NLRP14: variants seen among roughly 807,000 people sequenced by gnomAD.
NLRP14 encodes NLR family pyrin domain containing 14.
Under a neutral mutation model 94.7 loss-of-function variants are expected in NLRP14, and 105 were observed. The observed-to-expected ratio is 1.11, with a 90% CI of 0.95 to 1.30. The LOEUF is 1.30. Among genes scored for constraint, NLRP14 ranks in the 50% most tolerant of loss-of-function variants. The probability of loss-of-function intolerance (pLI) is 0.00; values close to 1 mark genes in which losing one functional copy is unlikely to be tolerated. For missense variants in NLRP14, 1,362 were observed against 1,254.1 expected (o/e 1.09, Z -1.30); for synonymous variants, 508 against 459.9 (o/e 1.10, Z -1.34).
intron 1 of NLRP14, among the ~76,000 whole-genome samples, chr11:7,027,787 C>G (rs1388219351): frequency 6.6e-6 from 1 of 152,092 alleles, no homozygotes; most frequent in Admixed American, 6.5e-5. Flanking sequence ...ATTCAATGGT[C>G]AGTTTTCAGT....
chr11:7,090,026 CGGA>C, the NLRP14 span: 7 of 1,612,968 alleles, frequency 4.3e-6, no homozygotes, highest in East Asian at 8.9e-5. Context: ...CGCCATCTTA[CGGA>C]GGAGGAGGCC....
the NLRP14 span, among the ~76,000 whole-genome samples, chr11:7,079,707 T>A: frequency 6.6e-6 from 1 of 152,130 alleles, no homozygotes; most frequent in Non-Finnish European, 1.5e-5. Context: ...GCAAGGCAAA[T>A]TTACTTCTGC....
chr11:7,088,136 A>G, the NLRP14 span, among the ~76,000 whole-genome samples: 432 of 152,346 alleles, frequency 2.8e-3, 2 homozygotes, highest in African/African-American at 0.01. Context: ...TTTGTCCAAC[A>G]TTTAGAGAAT....
intron 9 of NLRP14, among the ~76,000 whole-genome samples, 192 bp from the exon 10 acceptor site, chr11:7,062,141 C>T (rs1016874866): frequency 6.6e-6 from 1 of 151,918 alleles, no homozygotes; most frequent in African/African-American, 2.4e-5. Context: ...AACAGTTTTA[C>T]CTGCTGGTTT....
intron 10 of NLRP14, among the ~76,000 whole-genome samples, chr11:7,062,844 T>A (rs1382863096): frequency 6.6e-6 from 1 of 152,112 alleles, no homozygotes; most frequent in East Asian, 1.9e-4. Flanking sequence ...TTACTAATTA[T>A]CTTCTATCTG....
intron 10 of NLRP14, among the ~76,000 whole-genome samples, chr11:7,063,228 G>A (rs75652569): frequency 0.03 from 4,540 of 152,094 alleles, 249 homozygotes; most frequent in African/African-American, 0.1. Flanking sequence ...TAAATTCACC[G>A]GTTACTGTTT....
chr11:7,053,597 A>G (rs1175944311), intron 6 of NLRP14, among the ~76,000 whole-genome samples: 1 of 151,728 alleles, frequency 6.6e-6, no homozygotes, highest in Non-Finnish European at 1.5e-5. Flanking sequence ...TGGTCTAAAA[A>G]GCCATCATTT....
At chr11:7,065,105 T>C (rs1180640653) in intron 10 of NLRP14, among the ~76,000 whole-genome samples, 1 of 152,126 alleles carries the variant, frequency 6.6e-6, no homozygotes, top group African/African-American at 2.4e-5. Context: ...TATCAACTTA[T>C]CAAGTTACAT....
At chr11:7,038,531 C>T in intron 1 of NLRP14, 35 bp from the exon 2 acceptor site, 1 of 1,510,428 alleles carries the variant, frequency 6.6e-7, no homozygotes, top group African/African-American at 1.4e-5. Context: ...CCCATTTATT[C>T]CATGTGCTTT....
At chr11:7,044,130 T>A (rs561105822) in intron 4 of NLRP14, 146 bp downstream of exon 4, 3 of 813,462 alleles carry the variant, frequency 3.7e-6, no homozygotes, top group African/African-American at 3.4e-5. Context: ...GGCTAAGCAT[T>A]TAAACCCCTT....
At chr11:7,089,703 C>T in the NLRP14 span, 26 of 1,521,678 alleles carry the variant, frequency 1.7e-5, no homozygotes, top group African/African-American at 2.8e-5. Flanking sequence ...AGGCCCACCG[C>T]GCCGGGAGCC....
chr11:7,029,517 A>G (rs1479913359), intron 1 of NLRP14, among the ~76,000 whole-genome samples: 2 of 152,242 alleles, frequency 1.3e-5, no homozygotes, highest in Admixed American at 6.5e-5. Flanking sequence ...AGTGTTCAAT[A>G]TAGGATCTTT....
chr11:7,078,560 C>T, the NLRP14 span, among the ~76,000 whole-genome samples: 7 of 149,526 alleles, frequency 4.7e-5, no homozygotes, highest in South Asian at 6.4e-4. Context: ...GAGGCCGAGG[C>T]GAGTGGATCA....
At chr11:7,077,070 C>T in the NLRP14 span, among the ~76,000 whole-genome samples, 1 of 152,194 alleles carries the variant, frequency 6.6e-6, no homozygotes, top group African/African-American at 2.4e-5. Flanking sequence ...AGAATCGCAT[C>T]CGGTGGGAGT....
At chr11:7,072,340 G>A (rs969699140), downstream of NLRP14, among the ~76,000 whole-genome samples, 11 of 152,198 alleles carry the variant, frequency 7.2e-5, no homozygotes, top group East Asian at 1.9e-4. Context: ...GTTATCAGCC[G>A]GAAGTCTAGT....
At chr11:7,036,310 C>T (rs370054620) in intron 1 of NLRP14, among the ~76,000 whole-genome samples, 54 of 152,228 alleles carry the variant, frequency 3.5e-4, no homozygotes, top group African/African-American at 1.3e-3. Flanking sequence ...CAAAACAAAA[C>T]AACAAATTCC....
chr11:7,026,478 A>T (rs2119551178), intron 1 of NLRP14, among the ~76,000 whole-genome samples: 1 of 152,274 alleles, frequency 6.6e-6, no homozygotes. Context: ...ACCAGTTAGA[A>T]TGGCAATCAT....
At position 7,062,421 on chromosome 11, in the gene NLRP14, G is replaced by C; in HGVS notation, c.2893G>C (p.Gly965Arg). Residue 965 changes from glycine to arginine, a missense_variant, in exon 10 of 12, where the codon GGG becomes CGG. Coordinates refer to ENST00000299481, the MANE Select transcript of NLRP14 (RefSeq NM_176822.4). ...CCCAAACCTGAGGAGCCTGGACCTTGGGAACAACGATTTGCAGGATGATGG... is the reference window on the plus strand; with the variant it reads ...CCCAAACCTGAGGAGCCTGGACCTTCGGAACAACGATTTGCAGGATGATGG... ...NNPNLRSLDL[G>R]NNDLQDDGVK... The C allele has an allele frequency of 1.9e-6, 3 of 1,613,258 alleles. No individual in the cohort carries two copies. The highest frequency in any genetic ancestry group is 2.5e-6 in the Non-Finnish European group (3 of 1,179,416).
intron 10 of NLRP14, among the ~76,000 whole-genome samples, chr11:7,067,685 A>T (rs1053757904): frequency 1.3e-5 from 2 of 152,170 alleles, no homozygotes; most frequent in African/African-American, 4.8e-5. Context: ...TCCTGTGTAC[A>T]TTGTGTAATT....
Sources: gnomAD v4.1 joint callset for allele counts (sites outside exome capture counted in the v4.1 genomes callset) on GRCh38, gnomAD v4.1.1 for gene constraint, MANE v1.5 for transcripts, NCBI Gene and HGNC (gene_info 2026-07-23, HGNC 2026-07-21) for gene names.